Variants in DENND5A observed in about 807,000 individuals in gnomAD.
DENND5A encodes the protein DENN domain-containing protein 5A.
In DENND5A, 64 loss-of-function variants were observed where a neutral mutation model predicts 140.3. The ratio of observed to expected loss-of-function variants is 0.46; its 90% CI spans 0.37 to 0.56. DENND5A has a LOEUF of 0.56. Ranked by LOEUF, DENND5A falls within the 20% of genes least tolerant of loss-of-function variation. The pLI, the probability that DENND5A is intolerant of heterozygous loss-of-function variation, is 0.00. For synonymous variants in DENND5A, 605 were observed against 607.7 expected, an observed-to-expected ratio of 1.00 and a Z score of 0.07; for missense variants, 1,292 against 1,593.8, an observed-to-expected ratio of 0.81 and a Z score of 3.22.
At chr11:9,178,500 T>TAAAAA in intron 7 of DENND5A, 134 bp from the exon 8 acceptor site, 1 of 532,802 alleles carries the variant, frequency 1.9e-6, no homozygotes, top group Non-Finnish European at 3.3e-6. Context: ...ATCTCTACAT[T>TAAAAA]AAAAAAAAAA....
In DENND5A at chr11:9,145,793, G is replaced by A. The variant is rs200405434; in HGVS notation, c.2880C>T (p.Ile960=). The A allele has an allele frequency of 3.8e-5, 61 of 1,614,150 alleles. No individual in the cohort carries two copies. The highest frequency in any genetic ancestry group is 1.3e-4 in the African/African-American group (10 of 75,034). Residue 960 remains isoleucine (I), a synonymous_variant, in exon 17 of 23, where the codon ATC becomes ATT. Coordinates refer to ENST00000328194, the MANE Select transcript of DENND5A (RefSeq NM_015213.4). ...AGCCCCCCAGCTTCTTGCTTGGTAC[G>A]ATCAGAATGTGGTACGGGATCACTG... is the stretch of plus-strand genomic sequence containing the variant. ...TTILIPYHIL[I]VPSKKLGGSM... is the part of the protein sequence containing the mutation.
intron 1 of DENND5A, among the ~76,000 whole-genome samples, chr11:9,257,927 G>A (rs1852021318): frequency 6.6e-6 from 1 of 151,732 alleles, no homozygotes; most frequent in African/African-American, 2.4e-5. Context: ...CGAGTAGCTG[G>A]GATTATAGGT....
chr11:9,150,400 G>GA (rs776783898), intron 14 of DENND5A, among the ~76,000 whole-genome samples, 191 bp from the exon 15 acceptor site: 43 of 152,064 alleles, frequency 2.8e-4, no homozygotes, highest in Non-Finnish European at 4.6e-4. Flanking sequence ...ATTTTGGGAG[G>GA]AAAAAAGACA....
chr11:9,145,932 C>G, intron 16 of DENND5A, 117 bp from the exon 17 acceptor site: 11 of 1,100,516 alleles, frequency 1.0e-5, no homozygotes, highest in Non-Finnish European at 1.5e-5. Flanking sequence ...TATCTCAGCT[C>G]AAGCAGAGCC....
intron 9 of DENND5A, chr11:9,170,241 T>A (rs1848326025): frequency 2.0e-6 from 2 of 979,690 alleles, no homozygotes; most frequent in Admixed American, 6.1e-5. Flanking sequence ...GATACAGTCA[T>A]CTTCAAAAGT....
chr11:9,230,187 G>A (rs1321855412), intron 1 of DENND5A, among the ~76,000 whole-genome samples: 1 of 147,114 alleles, frequency 6.8e-6, no homozygotes, highest in African/African-American at 2.5e-5. Context: ...GGGATTACAG[G>A]CATGAGCCAC....
intron 1 of DENND5A, among the ~76,000 whole-genome samples, chr11:9,214,856 T>A (rs1850025313): frequency 6.6e-6 from 1 of 152,202 alleles, no homozygotes; most frequent in Non-Finnish European, 1.5e-5. Flanking sequence ...CCCAACTAGC[T>A]GGGATTACAG....
chr11:9,165,374 T>C (rs1848154015), intron 11 of DENND5A, among the ~76,000 whole-genome samples: 1 of 152,198 alleles, frequency 6.6e-6, no homozygotes, highest in Non-Finnish European at 1.5e-5. Context: ...AATGGTATAT[T>C]TTATTTAAAA....
intron 1 of DENND5A, among the ~76,000 whole-genome samples, chr11:9,259,787 G>A (rs1434624118): frequency 1.3e-5 from 2 of 152,086 alleles, no homozygotes; most frequent in East Asian, 3.9e-4. Flanking sequence ...CCAATACTTT[G>A]GGAGGCCAAT....
In DENND5A at chr11:9,150,732, C is replaced by G; in HGVS notation, c.2554G>C (p.Asp852His). The G allele has an allele frequency of 6.2e-7, 1 of 1,613,406 alleles. No homozygotes were observed. Among genetic ancestry groups the G allele is most frequent in the Non-Finnish European group, 8.5e-7 (1 of 1,179,576 alleles). Residue 852 changes from aspartate to histidine, a missense_variant, in exon 14 of 23, where the codon GAT becomes CAT. Asp to His is a moderately conservative substitution (Grantham distance 81). This residue lies in a region of DENND5A where 498 missense variants were observed against 689.7 expected (regional missense o/e 0.72). Transcript: ENST00000328194. ...ILLDSERRKS[D>H]ASSLMPPLRI... ...AGGGGAGGCATGAGTGAGCTGGCAT[C>G]AGACTTCCTACGTTCTGAATCAAGA...
At chr11:9,228,973 G>A (rs1590306419) in intron 1 of DENND5A, among the ~76,000 whole-genome samples, 2 of 152,256 alleles carry the variant, frequency 1.3e-5, no homozygotes, top group African/African-American at 4.8e-5. Context: ...TTAGGAAGGG[G>A]TCATGGGAAC....
At chr11:9,233,582 G>C (rs1454980223) in intron 1 of DENND5A, among the ~76,000 whole-genome samples, 1 of 152,018 alleles carries the variant, frequency 6.6e-6, no homozygotes, top group African/African-American at 2.4e-5. Flanking sequence ...TCCTGGAGTA[G>C]TTGAGTGTAC....
At chr11:9,232,863 T>C (rs1230253780) in intron 1 of DENND5A, among the ~76,000 whole-genome samples, 1 of 152,148 alleles carries the variant, frequency 6.6e-6, no homozygotes, top group East Asian at 1.9e-4. Context: ...TGTGGTAAAG[T>C]CACACAATGG....
intron 16 of DENND5A, 109 bp downstream of exon 16, chr11:9,146,921 A>C (rs1481959803): frequency 9.2e-6 from 12 of 1,305,356 alleles, no homozygotes; most frequent in South Asian, 1.4e-5. Context: ...GACAAATAGA[A>C]AGTACAAGGG....
At chr11:9,235,500 A>T (rs772375049) in intron 1 of DENND5A, among the ~76,000 whole-genome samples, 26 of 152,182 alleles carry the variant, frequency 1.7e-4, no homozygotes, top group Middle Eastern at 6.8e-3. Context: ...TCTACTAAAA[A>T]TACAAAAATT....
chr11:9,208,555 G>C (rs1354097858), intron 1 of DENND5A, among the ~76,000 whole-genome samples: 2 of 152,170 alleles, frequency 1.3e-5, no homozygotes, highest in East Asian at 3.8e-4. Context: ...ACCTGTTCCA[G>C]AAACTAATAA....
intron 10 of DENND5A, among the ~76,000 whole-genome samples, chr11:9,167,869 C>T (rs1848242303): frequency 1.3e-5 from 2 of 152,168 alleles, no homozygotes; most frequent in Admixed American, 1.3e-4. Context: ...GCTTGCTCCT[C>T]TTCCAAATCA....
At chr11:9,146,669 C>G (rs1847441764) in intron 16 of DENND5A, 1 of 168,884 alleles carries the variant, frequency 5.9e-6, no homozygotes, top group Non-Finnish European at 1.3e-5. Context: ...AAGTGAGCCT[C>G]TCAGGCGAAA....
chr11:9,244,612 G>A (rs1006043211), intron 1 of DENND5A, among the ~76,000 whole-genome samples: 1 of 151,898 alleles, frequency 6.6e-6, no homozygotes, highest in African/African-American at 2.4e-5. Context: ...CGGGTGATCC[G>A]CCCGCTTCGG....
Sources: allele counts gnomAD v4.1 joint callset (sites outside exome capture counted in the v4.1 genomes callset), GRCh38; gene constraint gnomAD v4.1.1; regional missense constraint gnomAD v4.1.1; transcripts MANE v1.5; gene names NCBI Gene and HGNC (gene_info 2026-07-23, HGNC 2026-07-21).